PRKAG2: variants seen among roughly 807,000 people sequenced by gnomAD.
The protein encoded by PRKAG2 is 5'-AMP-activated protein kinase subunit gamma-2.
A neutral mutation model predicts 69.6 loss-of-function variants in PRKAG2; 26 were observed. That is an observed-to-expected ratio of 0.37 (90% CI 0.27 to 0.52). The LOEUF is 0.52. Among genes scored for constraint, PRKAG2 ranks in the 20% least tolerant of loss-of-function variants. The probability of loss-of-function intolerance (pLI) is 0.90; values close to 1 mark genes in which losing one functional copy is unlikely to be tolerated. For missense variants in PRKAG2, 557 were observed against 740.0 expected, an observed-to-expected ratio of 0.75 and a Z score of 2.87; for synonymous variants, 293 against 285.0, an observed-to-expected ratio of 1.03 and a Z score of -0.28.
intron 6 of PRKAG2, among the ~76,000 whole-genome samples, chr7:151,587,814 C>T (rs535180698): frequency 5.9e-5 from 9 of 152,194 alleles, no homozygotes; most frequent in South Asian, 4.1e-4. Context: ...CAACAGAAAA[C>T]GGCATTATGC....
chr7:151,853,203 GT>G (rs924692552), intron 1 of PRKAG2, among the ~76,000 whole-genome samples: 2 of 152,190 alleles, frequency 1.3e-5, no homozygotes, highest in African/African-American at 4.8e-5. Context: ...TGAGTGTGCT[GT>G]CCCATAGGCG....
In PRKAG2 at chr7:151,819,705, C is replaced by T. The variant is rs570774809; in HGVS notation, c.115-33164G>A. Among the ~76,000 whole-genome samples the T allele has an allele frequency of 6.6e-5, 10 of 152,082 alleles. No individual in the cohort carries two copies. In the South Asian group the frequency reaches 1.9e-3, roughly 29 times the overall value. The stretch of plus-strand genomic sequence containing the variant: ...CTATCTTTCAAGGCCATGTTCTGAC[C>T]ACCTGAAGGTCTTGAGATACTTGGG... On this transcript the variant is annotated intron_variant, in intron 1 of 15. Coordinates refer to ENST00000287878, the MANE Select transcript of PRKAG2 (RefSeq NM_016203.4).
intron 5 of PRKAG2, among the ~76,000 whole-genome samples, chr7:151,617,795 CCT>C (rs1361433334): frequency 1.3e-5 from 2 of 152,034 alleles, no homozygotes; most frequent in Admixed American, 6.6e-5. Context: ...CGAAAAAAAC[CCT>C]GACTCCTTAT....
At chr7:151,664,184 T>C (rs548752886) in intron 4 of PRKAG2, among the ~76,000 whole-genome samples, 2 of 152,302 alleles carry the variant, frequency 1.3e-5, no homozygotes, top group African/African-American at 4.8e-5. Flanking sequence ...CGGACAACCA[T>C]GCTGAGAACA....
At chr7:151,566,585 G>T (rs370752148) in intron 11 of PRKAG2, 2 of 451,532 alleles carry the variant, frequency 4.4e-6, no homozygotes, top group East Asian at 6.9e-5. Flanking sequence ...TTTATAAAGG[G>T]TATAGTTGAT....
At chr7:151,697,263 G>T (rs1222020166) in intron 3 of PRKAG2, among the ~76,000 whole-genome samples, 3 of 152,250 alleles carry the variant, frequency 2.0e-5, no homozygotes, top group East Asian at 1.9e-4. Context: ...AGCCCACCAG[G>T]CCTGCTCTTG....
At chr7:151,627,372 TCCCAGCA>T (rs962286155) in intron 5 of PRKAG2, among the ~76,000 whole-genome samples, 1 of 152,130 alleles carries the variant, frequency 6.6e-6, no homozygotes, top group African/African-American at 2.4e-5. Flanking sequence ...ACACCTATAA[TCCCAGCA>T]CTTTGGGAGG....
chr7:151,852,634 G>A (rs901142296), intron 1 of PRKAG2, among the ~76,000 whole-genome samples: 1 of 152,084 alleles, frequency 6.6e-6, no homozygotes, highest in Non-Finnish European at 1.5e-5. Flanking sequence ...CCACAGGACA[G>A]GCTGAGACCA....
rs148829364 is a variant in PRKAG2 at position 151,873,561 on chromosome 7, C to T, written c.114+2946G>A. Among the ~76,000 whole-genome samples the T allele has an allele frequency of 2.1e-4, 32 of 152,278 alleles. No homozygotes were observed. The East Asian group carries it at 5.2e-3, about 25-fold the overall frequency. ...CCTGTGAGGACTTGGGCAGATCTTC[C>T]CCAGATCTCACCCTAACCAGAGCCT... On this transcript the variant is annotated intron_variant, in intron 1 of 15. Coordinates refer to ENST00000287878, the MANE Select transcript of PRKAG2 (RefSeq NM_016203.4).
At chr7:151,591,858 T>A (rs1262020892) in intron 6 of PRKAG2, among the ~76,000 whole-genome samples, 1 of 152,128 alleles carries the variant, frequency 6.6e-6, no homozygotes. Flanking sequence ...TGCCTTCTCC[T>A]GCAGATAATG....
chr7:151,702,746 G>A (rs779025356), intron 3 of PRKAG2, among the ~76,000 whole-genome samples: 6 of 152,228 alleles, frequency 3.9e-5, no homozygotes, highest in Non-Finnish European at 7.3e-5. Context: ...AATGATCAGA[G>A]TGAAGGCCTG....
chr7:151,822,271 T>A (rs1253804258), intron 1 of PRKAG2, among the ~76,000 whole-genome samples: 1 of 151,962 alleles, frequency 6.6e-6, no homozygotes, highest in African/African-American at 2.4e-5. Context: ...AGGAACGAGG[T>A]GGGTTCAGGA....
rs560098406 is a variant in PRKAG2 at position 151,788,361 on chromosome 7, T to C, written c.115-1820A>G. Among the ~76,000 whole-genome samples, 6 of 152,384 alleles carry C rather than the reference T, an allele frequency of 3.9e-5. No individual in the cohort carries two copies. Among genetic ancestry groups the C allele is most frequent in the Non-Finnish European group, 5.9e-5 (4 of 68,038 alleles). On this transcript the variant is annotated intron_variant, in intron 1 of 15. Transcript: ENST00000287878. This position sits in a 1 kb window ranked among gnomAD's most constrained non-coding sequence, Gnocchi z 4.6. Reference sequence around the variant, plus strand: ...TGCATTTCTTGGATAATTAGTGATGTTGAATATCTTTTCATCTGCTTATCG... The same window carrying C: ...TGCATTTCTTGGATAATTAGTGATGCTGAATATCTTTTCATCTGCTTATCG...
chr7:151,582,527 C>T (rs1585037801), intron 6 of PRKAG2, among the ~76,000 whole-genome samples: 2 of 152,120 alleles, frequency 1.3e-5, no homozygotes, highest in Admixed American at 1.3e-4. Context: ...AAGAATTTAA[C>T]GTGCAAAGTG....
intron 5 of PRKAG2, among the ~76,000 whole-genome samples, chr7:151,605,869 C>A (rs909190974): frequency 1.4e-5 from 2 of 146,544 alleles, no homozygotes; most frequent in Non-Finnish European, 3.0e-5. Context: ...ACCCTGGAGG[C>A]GGAGGTTGCA....
Position 151,876,604 on chromosome 7 carries a change from A to G in PRKAG2, c.17T>C (p.Met6Thr), listed in dbSNP as rs1234592923. 3 of 1,609,622 alleles carry G rather than the reference A, an allele frequency of 1.9e-6. No individual in the cohort carries two copies. Among genetic ancestry groups the G allele is most frequent in the Admixed American group, 3.3e-5 (2 of 60,026 alleles). Residue 6 changes from methionine to threonine, a missense_variant, in exon 1 of 16, where the codon ATG becomes ACG. By Grantham distance (81) the Met-to-Thr change is moderately conservative. Around this residue, in one of 2 missense-constraint regions of PRKAG2, gnomAD observed 352 missense variants for 356.7 expected, o/e 0.99. Coordinates refer to ENST00000287878, the MANE Select transcript of PRKAG2 (RefSeq NM_016203.4). ...AACATCTTTTTTCTTCTTGGTGTCC[A>G]TAACCGCGCTTCCCATAACTCTAAC... MGSAV[M>T]DTKKKKDVSS...
chr7:151,731,828 C>G (rs1286172308), intron 3 of PRKAG2, among the ~76,000 whole-genome samples: 1 of 152,076 alleles, frequency 6.6e-6, no homozygotes, highest in Non-Finnish European at 1.5e-5. Flanking sequence ...GGAGAAGAGG[C>G]CTCATCTAAG....
chr7:151,675,040 GCCT>G, intron 4 of PRKAG2: 1 of 348,084 alleles, frequency 2.9e-6, no homozygotes, highest in Non-Finnish European at 5.7e-6. Flanking sequence ...TTATGCCTCA[GCCT>G]CCCGAGTAGT....
chr7:151,725,196 C>A (rs562732360), intron 3 of PRKAG2, among the ~76,000 whole-genome samples: 7 of 152,114 alleles, frequency 4.6e-5, no homozygotes, highest in Admixed American at 4.6e-4. Flanking sequence ...GAATATTACT[C>A]AGCCTTAAAA....
Sources: gnomAD v4.1 joint callset for allele counts (sites outside exome capture counted in the v4.1 genomes callset) on GRCh38, gnomAD v4.1.1 for gene constraint, gnomAD v4.1.1 regional missense constraint, Gnocchi (gnomAD v3.1) non-coding constraint, MANE v1.5 for transcripts, NCBI Gene and HGNC (gene_info 2026-07-23, HGNC 2026-07-21) for gene names.